DMBX1: variants seen among roughly 807,000 people sequenced by gnomAD.
The protein encoded by DMBX1 is diencephalon/mesencephalon homeobox protein 1.
In DMBX1, 7 loss-of-function variants were observed where a neutral mutation model predicts 30.4. The observed-to-expected ratio is 0.23, with a 90% confidence interval of 0.13 to 0.43. The LOEUF is 0.43. Among genes scored for constraint, DMBX1 ranks in the 20% least tolerant of loss-of-function variants. The pLI, the probability that DMBX1 is intolerant of heterozygous loss-of-function variation, is 1.00. For missense variants in DMBX1, 460 were observed against 508.5 expected (o/e 0.90, Z 0.92); for synonymous variants, 222 against 214.2 (o/e 1.04, Z -0.32).
intron 1 of DMBX1, among the ~76,000 whole-genome samples, chr1:46,490,176 C>G (rs1665902814): frequency 6.6e-6 from 1 of 152,076 alleles, no homozygotes; most frequent in Admixed American, 6.5e-5. Context: ...AAGTGAGCAA[C>G]TTAGGGAGAC....
Position 46,501,910 on chromosome 1 carries a change from C to A in DMBX1, c.-12-5089C>A, listed in dbSNP as rs201789721. Among the ~76,000 whole-genome samples, 12 of 151,980 alleles carry A rather than the reference C, an allele frequency of 7.9e-5. No homozygotes were observed. In the East Asian group the frequency reaches 2.3e-3, roughly 29 times the overall value. On this transcript the variant is annotated intron_variant, in intron 2 of 5. Coordinates refer to ENST00000360032, the MANE Select transcript of DMBX1 (RefSeq NM_172225.2). ...TGCTATTTATTTTTTATGAATTCCTCTATGTCATATACAGTATATAACAGA... is the reference window on the plus strand; with the variant it reads ...TGCTATTTATTTTTTATGAATTCCTATATGTCATATACAGTATATAACAGA...
At chr1:46,500,575 G>T (rs563643025) in intron 2 of DMBX1, among the ~76,000 whole-genome samples, 209 of 52,540 alleles carry the variant, frequency 4.0e-3, no homozygotes, top group African/African-American at 0.014. Context: ...AAGAAAGAAA[G>T]AAATAATATA....
rs145308708 is a variant in DMBX1, at chr1:46,507,139, G to A, written c.129G>A (p.Ala43=). 117 of 1,614,186 alleles carry A rather than the reference G, an allele frequency of 7.2e-5. No individual in the cohort carries two copies. The African/African-American group carries it at 1.1e-3, about 15-fold the overall frequency. ...CCGACTACCGGCCTTCAGTGCATGC[G>A]CTTACATTGGCTGAGCGCCTGGCTG... The part of the protein sequence containing the change: ...HAPDYRPSVH[A]LTLAERLADI... The change falls in exon 3 of 6, where the codon GCG becomes GCA. Residue 43 remains alanine, a synonymous_variant. Transcript: ENST00000360032.
At chr1:46,495,775 C>T (rs1666014618) in intron 2 of DMBX1, among the ~76,000 whole-genome samples, 1 of 152,076 alleles carries the variant, frequency 6.6e-6, no homozygotes, top group Non-Finnish European at 1.5e-5. Context: ...TGGAGAAAGG[C>T]GTGTGCAAGC....
intron 2 of DMBX1, among the ~76,000 whole-genome samples, chr1:46,505,617 G>A (rs558250569): frequency 1.8e-4 from 27 of 151,738 alleles, no homozygotes; most frequent in Non-Finnish European, 3.2e-4. Context: ...GGGGGACGGG[G>A]GAGGGATAGC....
intron 2 of DMBX1, among the ~76,000 whole-genome samples, chr1:46,499,431 G>C (rs879940051): frequency 6.6e-6 from 1 of 152,186 alleles, no homozygotes; most frequent in Non-Finnish European, 1.5e-5. Flanking sequence ...GATCCTGTGC[G>C]ACTGGGGTTG....
At chr1:46,489,994 C>G (rs902944921) in intron 1 of DMBX1, among the ~76,000 whole-genome samples, 117 bp downstream of exon 1, 4 of 152,142 alleles carry the variant, frequency 2.6e-5, no homozygotes, top group Non-Finnish European at 5.9e-5. Context: ...CCTGCAGTCC[C>G]GGACCCACTG....
chr1:46,500,468 C>T (rs906317222), intron 2 of DMBX1, among the ~76,000 whole-genome samples: 10 of 151,968 alleles, frequency 6.6e-5, no homozygotes, highest in African/African-American at 2.2e-4. Context: ...CCCCCTTCCC[C>T]ACCTGGAGCT....
Position 46,512,397 on chromosome 1 carries a change from C to T in DMBX1, c.1037C>T (p.Ser346Leu). The change falls in exon 6 of 6, where the codon TCA becomes TTA. Residue 346 changes from serine to leucine, a missense_variant. Physicochemically the swap from Ser to Leu is moderately radical, Grantham distance 145. This residue lies in a region of DMBX1 where 334 missense variants were observed against 345.1 expected (regional missense o/e 0.97). Transcript: ENST00000360032. The surrounding 1 kb of genome is among the most constrained non-coding windows in gnomAD (Gnocchi z 4.8). Reference protein sequence around the residue: ...PAPPAGLAPASATLNSKTTSI... With the variant: ...PAPPAGLAPALATLNSKTTSI... ...CCCCCAGCAGGCCTGGCTCCTGCAT[C>T]AGCTACCCTGAACAGTAAAACCACA... 6.2e-7 allele frequency: 1 copy of T among 1,614,038 alleles called. No homozygotes were observed. The highest frequency in any genetic ancestry group is 8.5e-7 in the Non-Finnish European group (1 of 1,180,020).
At chr1:46,497,840 A>G (rs1666052169) in intron 2 of DMBX1, among the ~76,000 whole-genome samples, 2 of 152,230 alleles carry the variant, frequency 1.3e-5, no homozygotes, top group Non-Finnish European at 2.9e-5. Context: ...ATGAAATATA[A>G]AGATTCTTTT....
In DMBX1 at chr1:46,511,087, C is replaced by A; in HGVS notation, c.486C>A (p.Pro162=). 8.7e-6 allele frequency: 14 copies of A among 1,614,098 alleles called. No homozygotes were observed. The highest frequency in any genetic ancestry group is 1.2e-5 in the Non-Finnish European group (14 of 1,180,006). Residue 162 remains proline (P), a synonymous_variant, in exon 5 of 6, where the codon CCC becomes CCA. Coordinates refer to ENST00000360032, the MANE Select transcript of DMBX1 (RefSeq NM_172225.2). ...ATACCCAGCTGGACACTGAGCAGCC[C>A]CCACGTCTGCCTGGCAGCGACCCCC... ...TPDTQLDTEQ[P]PRLPGSDPPA... is the part of the protein sequence containing the mutation.
chr1:46,511,620 C>T (rs745884579), intron 5 of DMBX1, among the ~76,000 whole-genome samples: 2 of 152,132 alleles, frequency 1.3e-5, no homozygotes, highest in Non-Finnish European at 2.9e-5. Flanking sequence ...GAGATTCCCA[C>T]GTGCAGCAGA....
intron 5 of DMBX1, among the ~76,000 whole-genome samples, chr1:46,511,649 G>A (rs1259837489): frequency 1.3e-5 from 2 of 152,156 alleles, no homozygotes; most frequent in Non-Finnish European, 2.9e-5. Flanking sequence ...GCACATTTCT[G>A]AAGGAACAGA....
intron 2 of DMBX1, among the ~76,000 whole-genome samples, 159 bp from the exon 3 acceptor site, chr1:46,506,840 C>T (rs1442828716): frequency 6.6e-6 from 1 of 152,198 alleles, no homozygotes; most frequent in African/African-American, 2.4e-5. Flanking sequence ...GCAGGAACCC[C>T]CACACGGTAA....
intron 2 of DMBX1, among the ~76,000 whole-genome samples, chr1:46,505,589 G>A (rs1666218094): frequency 6.7e-6 from 1 of 149,468 alleles, no homozygotes; most frequent in African/African-American, 2.5e-5. Context: ...ATCACACTCT[G>A]GGGACTGTTG....
chr1:46,500,709 G>A (rs1217057878), intron 2 of DMBX1, among the ~76,000 whole-genome samples: 2 of 152,046 alleles, frequency 1.3e-5, no homozygotes, highest in African/African-American at 2.4e-5. Flanking sequence ...AAAATGGATC[G>A]TATCATGCAT....
At chr1:46,509,645 A>G (rs1202752373) in intron 3 of DMBX1, among the ~76,000 whole-genome samples, 1 of 152,130 alleles carries the variant, frequency 6.6e-6, no homozygotes. Context: ...GTTACCAGAC[A>G]TGTGGACAGG....
At chr1:46,500,456 T>C (rs1185197118) in intron 2 of DMBX1, among the ~76,000 whole-genome samples, 2 of 152,014 alleles carry the variant, frequency 1.3e-5, no homozygotes, top group African/African-American at 4.8e-5. Context: ...CTAAACTCTG[T>C]TCCCCCTTCC....
rs57363509 is a variant in DMBX1, at chr1:46,510,790, G to A, written c.333+136G>A. The A allele has an allele frequency of 0.017, 22,908 of 1,353,660 alleles. 1,328 individuals are homozygous for A. In the East Asian group the frequency reaches 0.2, roughly 12 times the overall value. The allele number at this position is 1,353,660 out of a possible 1,614,324, so 83.9% of individuals were successfully genotyped here. On this transcript the variant is annotated intron_variant, in intron 4 of 5. Transcript: ENST00000360032. The surrounding 1 kb of genome is among the most constrained non-coding windows in gnomAD (Gnocchi z 4.1). Reference sequence around the variant, plus strand: ...TCCATCAAAGCCTTCAGTGATAGGAGGGGAGTTTGGGAAGGGACAGAGGGT... The same window carrying A: ...TCCATCAAAGCCTTCAGTGATAGGAAGGGAGTTTGGGAAGGGACAGAGGGT...
Sources: gnomAD v4.1 joint callset for allele counts (sites outside exome capture counted in the v4.1 genomes callset) on GRCh38, gnomAD v4.1.1 for gene constraint, gnomAD v4.1.1 regional missense constraint, Gnocchi (gnomAD v3.1) non-coding constraint, MANE v1.5 for transcripts, NCBI Gene and HGNC (gene_info 2026-07-23, HGNC 2026-07-21) for gene names.